DLGAP4: variants seen among roughly 807,000 people sequenced by gnomAD.
DLGAP4 encodes the protein DLG associated protein 4, also known as disks large-associated protein 4.
In DLGAP4, 18 loss-of-function variants were observed where a neutral mutation model predicts 86.9. That is an observed-to-expected ratio of 0.21 (90% CI 0.14 to 0.31). The LOEUF is 0.31. Ranked by LOEUF, DLGAP4 falls within the 10% of genes least tolerant of loss-of-function variation. The pLI, the probability that DLGAP4 is intolerant of heterozygous loss-of-function variation, is 1.00. For synonymous variants in DLGAP4, 548 were observed against 574.3 expected, an observed-to-expected ratio of 0.95 and a Z score of 0.65; for missense variants, 1,085 against 1,362.6, an observed-to-expected ratio of 0.80 and a Z score of 3.21.
intron 7 of DLGAP4, among the ~76,000 whole-genome samples, chr20:36,470,815 C>T (rs2034629364): frequency 6.6e-6 from 1 of 152,110 alleles, no homozygotes; most frequent in Non-Finnish European, 1.5e-5. Flanking sequence ...AGGTTCATGG[C>T]CACCTTTGCT....
chr20:36,514,902 G>C (rs1158942047), intron 10 of DLGAP4, among the ~76,000 whole-genome samples: 1 of 152,104 alleles, frequency 6.6e-6, no homozygotes, highest in African/African-American at 2.4e-5. Flanking sequence ...CAGGAGAAAG[G>C]CCATGTCTGA....
intron 7 of DLGAP4, chr20:36,461,807 C>T: frequency 3.1e-6 from 3 of 979,240 alleles, no homozygotes; most frequent in Non-Finnish European, 3.6e-6. Context: ...TCCTCCAGCC[C>T]GTGTCCCCGC....
intron 10 of DLGAP4, among the ~76,000 whole-genome samples, chr20:36,513,518 G>A (rs372939914): frequency 3.6e-4 from 47 of 131,150 alleles, no homozygotes; most frequent in African/African-American, 1.3e-3. Context: ...ACTGCAGTCC[G>A]CAATCCGGCC....
chr20:36,401,150 C>T (rs560620731), intron 2 of DLGAP4, among the ~76,000 whole-genome samples: 226 of 152,180 alleles, frequency 1.5e-3, no homozygotes, highest in African/African-American at 5.2e-3. Flanking sequence ...CCCATCCAAT[C>T]CTGGGCGGCA....
At chr20:36,316,469 TG>T (rs1474641448) in intron 1 of DLGAP4, among the ~76,000 whole-genome samples, 1 of 152,116 alleles carries the variant, frequency 6.6e-6, no homozygotes, top group African/African-American at 2.4e-5. Context: ...AACTCTGATT[TG>T]TTACTTATGG....
chr20:36,506,419 C>A (rs918307104), intron 10 of DLGAP4, among the ~76,000 whole-genome samples: 3 of 152,176 alleles, frequency 2.0e-5, no homozygotes, highest in Non-Finnish European at 4.4e-5. Flanking sequence ...AGAACTCCTG[C>A]AGTTGAACAT....
In DLGAP4 at chr20:36,497,714, AAGTC is replaced by A. The variant is rs1458273311; in HGVS notation, c.2010+651_2010+654del. The A allele has an allele frequency of 8.0e-6, 7 of 879,404 alleles. No homozygotes were observed. In the East Asian group the frequency reaches 7.2e-4, roughly 90 times the overall value. 54.5% of individuals were successfully genotyped at this position (879,404 alleles called of 1,614,324 possible). ...ATGGTTCCCCAGGGTTAGGTGGCCA[AAGTC>A]AGCAGGCCCTCCATAGTCATGGCAC... On this transcript the variant is annotated intron_variant, in intron 8 of 12. Coordinates refer to ENST00000339266, the MANE Select transcript of DLGAP4 (RefSeq NM_001365621.2).
Position 36,497,084 on chromosome 20 carries a change from A to T in DLGAP4, c.2010+18A>T. 1 of 1,571,178 alleles carries T rather than the reference A, an allele frequency of 6.4e-7. No homozygotes were observed. Among genetic ancestry groups the T allele is most frequent in the Non-Finnish European group, 8.7e-7 (1 of 1,155,816 alleles). ...GAATACAAGTAGGGGCTCCTTTTGCACTCTGTGTCCTCAGCCCACTCCGTG... is the reference window on the plus strand; with the variant it reads ...GAATACAAGTAGGGGCTCCTTTTGCTCTCTGTGTCCTCAGCCCACTCCGTG... On this transcript the variant is annotated intron_variant, in intron 8 of 12. Coordinates refer to ENST00000339266, the MANE Select transcript of DLGAP4 (RefSeq NM_001365621.2).
rs374013057 is a variant in DLGAP4, at chr20:36,504,093, T to C, written c.2512+3482T>C. ...TTGTTTTCCTTTTTTTGTTGTAAAA[T>C]ATATATAACATAAAGTTTACCTTTT... On this transcript the variant is annotated intron_variant, in intron 10 of 12. Coordinates refer to ENST00000339266, the MANE Select transcript of DLGAP4 (RefSeq NM_001365621.2). Among the ~76,000 whole-genome samples the C allele has an allele frequency of 2.0e-5, 3 of 152,326 alleles. No homozygotes were observed. The South Asian group carries it at 6.2e-4, about 32-fold the overall frequency.
intron 2 of DLGAP4, among the ~76,000 whole-genome samples, chr20:36,381,956 T>A (rs1445685761): frequency 1.3e-5 from 2 of 152,282 alleles, no homozygotes; most frequent in South Asian, 4.1e-4. Context: ...AATCTGGGCC[T>A]TGTTTCCATC....
intron 4 of DLGAP4, 47 bp downstream of exon 4, chr20:36,436,397 C>T: frequency 6.6e-7 from 1 of 1,526,276 alleles, no homozygotes; most frequent in East Asian, 2.3e-5. Context: ...AGGCAAGCCC[C>T]GCCCACTACG....
intron 1 of DLGAP4, among the ~76,000 whole-genome samples, chr20:36,353,158 CA>C (rs766574440): frequency 2.6e-4 from 40 of 152,124 alleles, no homozygotes; most frequent in Non-Finnish European, 4.6e-4. Context: ...AAGGGGTGGC[CA>C]GGGGTACCCG....
At chr20:36,398,128 A>C (rs2032053696) in intron 2 of DLGAP4, among the ~76,000 whole-genome samples, 1 of 152,228 alleles carries the variant, frequency 6.6e-6, no homozygotes, top group African/African-American at 2.4e-5. Flanking sequence ...ATTTTTGTAA[A>C]TGTTACATAT....
At chr20:36,446,362 CTAAT>C (rs2033592336) in intron 6 of DLGAP4, among the ~76,000 whole-genome samples, 1 of 152,186 alleles carries the variant, frequency 6.6e-6, no homozygotes, top group Non-Finnish European at 1.5e-5. Flanking sequence ...ACAGACATTG[CTAAT>C]TGATTATAGA....
At chr20:36,439,986 C>A in intron 5 of DLGAP4, 118 bp downstream of exon 5, 1 of 858,426 alleles carries the variant, frequency 1.2e-6, no homozygotes, top group Non-Finnish European at 1.9e-6. Flanking sequence ...CTGCACTGTG[C>A]TTCTGTTTGG....
chr20:36,436,484 C>A, intron 4 of DLGAP4, 134 bp downstream of exon 4: 1 of 1,377,482 alleles, frequency 7.3e-7, no homozygotes, highest in East Asian at 2.6e-5. Flanking sequence ...TTGAGCCACG[C>A]CCACTCATGA....
At position 36,393,740 on chromosome 20, in the gene DLGAP4, A is replaced by G. The variant is rs181056786; in HGVS notation, c.-73+26465A>G. ...GCACCCTTTGTGGCACTTTAGCCAT[A>G]TTGTCTTGGAATTAGACATAGATTG... On this transcript the variant is annotated intron_variant, in intron 2 of 12. Coordinates refer to ENST00000339266, the MANE Select transcript of DLGAP4 (RefSeq NM_001365621.2). The surrounding 1 kb of genome is among the most constrained non-coding windows in gnomAD (Gnocchi z 4.4). Among the ~76,000 whole-genome samples the G allele has an allele frequency of 9.2e-5, 14 of 152,304 alleles. 1 individual carries two copies. The highest frequency in any genetic ancestry group is 1.3e-4 in the Non-Finnish European group (9 of 68,018).
chr20:36,506,766 G>A (rs1463260269), intron 10 of DLGAP4, among the ~76,000 whole-genome samples: 1 of 152,124 alleles, frequency 6.6e-6, no homozygotes, highest in Non-Finnish European at 1.5e-5. Flanking sequence ...TCCATCTCTA[G>A]AACTTGTTTT....
Position 36,500,432 on chromosome 20 carries a change from C to G in DLGAP4, c.2333C>G (p.Pro778Arg). ...CCTGCCCTAGAGGCGTCCTCGCTGC[C>G]CCCACCCGACCCCTGGCTCGAGACC... Reference protein sequence around the residue: ...SDPALEASSLPPPDPWLETSS... With the variant: ...SDPALEASSLRPPDPWLETSS... Residue 778 changes from proline to arginine, a missense_variant, in exon 10 of 13, where the codon CCC (proline) becomes CGC (arginine). Pro to Arg is a moderately radical substitution (Grantham distance 103). Around this residue, in one of 2 missense-constraint regions of DLGAP4, gnomAD observed 1,082 missense variants for 1,344.1 expected, o/e 0.81. Transcript: ENST00000339266. The surrounding 1 kb of genome is among the most constrained non-coding windows in gnomAD (Gnocchi z 4.6). 6.4e-7 allele frequency: 1 copy of G among 1,573,916 alleles called. No homozygotes were observed. Among genetic ancestry groups the G allele is most frequent in the Non-Finnish European group, 8.6e-7 (1 of 1,157,004 alleles).
Sources: allele counts gnomAD v4.1 joint callset (sites outside exome capture counted in the v4.1 genomes callset), GRCh38; gene constraint gnomAD v4.1.1; regional missense constraint gnomAD v4.1.1; non-coding constraint Gnocchi (gnomAD v3.1); transcripts MANE v1.5; gene names NCBI Gene and HGNC (gene_info 2026-07-23, HGNC 2026-07-21).